RGS6: variants seen among roughly 807,000 people sequenced by gnomAD.
RGS6 encodes the protein regulator of G protein signaling 6.
A neutral mutation model predicts 78.5 loss-of-function variants in RGS6; 30 were observed. That is an observed-to-expected ratio of 0.38 (90% CI 0.29 to 0.52). The LOEUF is 0.52. Ranked by LOEUF, RGS6 falls within the 20% of genes least tolerant of loss-of-function variation. RGS6 has a pLI of 0.85. For missense variants in RGS6, 495 were observed against 609.7 expected (o/e 0.81, Z 1.98); for synonymous variants, 206 against 206.0 (o/e 1.00, Z 0.00).
the RGS6 span, among the ~76,000 whole-genome samples, chr14:71,923,291 G>A: frequency 3.3e-5 from 5 of 152,136 alleles, no homozygotes; most frequent in Admixed American, 1.3e-4. Flanking sequence ...GAATGGGTGT[G>A]GTAGACAACA....
chr14:72,162,160 C>T (rs932874928), intron 2 of RGS6, among the ~76,000 whole-genome samples: 10 of 146,598 alleles, frequency 6.8e-5, no homozygotes, highest in Admixed American at 2.1e-4. Context: ...CATTAACTAG[C>T]GTAAAATACC....
intron 2 of RGS6, among the ~76,000 whole-genome samples, chr14:71,967,157 T>A (rs2093570114): frequency 6.7e-6 from 1 of 150,146 alleles, no homozygotes; most frequent in African/African-American, 2.5e-5. Flanking sequence ...TGAAACTATA[T>A]CTTACTTTCG....
intron 2 of RGS6, among the ~76,000 whole-genome samples, chr14:72,080,113 C>T (rs550994277): frequency 2.0e-5 from 3 of 152,234 alleles, no homozygotes; most frequent in Admixed American, 6.5e-5. Context: ...GACCTTCAGA[C>T]CATTTCCATA....
At chr14:71,926,599 A>G in the RGS6 span, among the ~76,000 whole-genome samples, 554 of 151,754 alleles carry the variant, frequency 3.7e-3, 4 homozygotes, top group African/African-American at 0.013. Flanking sequence ...AAAAAAAAAA[A>G]AAAAAGAGTA....
At chr14:72,568,970 G>T (rs146418941), downstream of RGS6, among the ~76,000 whole-genome samples, 170 of 152,326 alleles carry the variant, frequency 1.1e-3, no homozygotes, top group Middle Eastern at 3.4e-3. Context: ...GGTTAGGAAG[G>T]GGTAGGAGGG....
intron 2 of RGS6, among the ~76,000 whole-genome samples, chr14:72,256,265 G>A (rs889739402): frequency 1.3e-5 from 2 of 152,178 alleles, no homozygotes; most frequent in African/African-American, 4.8e-5. Flanking sequence ...CATGCACTGA[G>A]TCAGTTTCTG....
At chr14:72,127,821 A>T (rs1487033287) in intron 2 of RGS6, among the ~76,000 whole-genome samples, 2 of 152,188 alleles carry the variant, frequency 1.3e-5, no homozygotes, top group Admixed American at 1.3e-4. Flanking sequence ...CTTTATAACT[A>T]CAACCCCTCA....
intron 1 of RGS6, among the ~76,000 whole-genome samples, chr14:71,944,493 G>A (rs1019954270): frequency 3.3e-5 from 5 of 152,182 alleles, no homozygotes; most frequent in African/African-American, 1.2e-4. Flanking sequence ...TTGTATTGGA[G>A]AGATGATAGG....
intron 2 of RGS6, among the ~76,000 whole-genome samples, chr14:72,178,728 A>T (rs2097137305): frequency 6.6e-6 from 1 of 152,198 alleles, no homozygotes; most frequent in Non-Finnish European, 1.5e-5. Context: ...TAGGCTACCT[A>T]AATTGCAGGG....
At chr14:72,331,661 C>T (rs948377473) in intron 2 of RGS6, among the ~76,000 whole-genome samples, 2 of 152,160 alleles carry the variant, frequency 1.3e-5, no homozygotes, top group African/African-American at 2.4e-5. Flanking sequence ...CTCTCTCCCC[C>T]TCTTTTTCTC....
downstream of RGS6, among the ~76,000 whole-genome samples, chr14:72,569,732 A>G (rs1009140715): frequency 2.7e-4 from 41 of 152,140 alleles, no homozygotes; most frequent in African/African-American, 8.4e-4. Flanking sequence ...ATGAACAAGG[A>G]GTTATACACT....
At chr14:72,095,248 C>T (rs1393259510) in intron 2 of RGS6, among the ~76,000 whole-genome samples, 2 of 152,052 alleles carry the variant, frequency 1.3e-5, no homozygotes, top group East Asian at 3.9e-4. Flanking sequence ...CATTTGGCTG[C>T]AGGTAATAGA....
chr14:72,243,727 A>G (rs1337341556), intron 2 of RGS6, among the ~76,000 whole-genome samples: 1 of 149,826 alleles, frequency 6.7e-6, no homozygotes, highest in African/African-American at 2.5e-5. Context: ...ACACTGAAAC[A>G]TTTCCTACAT....
At chr14:72,307,907 T>C (rs893700916) in intron 2 of RGS6, among the ~76,000 whole-genome samples, 3 of 152,186 alleles carry the variant, frequency 2.0e-5, no homozygotes, top group African/African-American at 7.2e-5. Context: ...TTTTAGAGTT[T>C]AGTTTATATA....
At position 72,373,083 on chromosome 14, in the gene RGS6, G is replaced by A. The variant is rs558427756; in HGVS notation, c.184+20889G>A. ...GGAGACAGAAGACAGAGAAAGAGAG[G>A]AAAAGAGGAAGCCGAGCCCACCCTT... On this transcript the variant is annotated intron_variant, in intron 3 of 17. Transcript: ENST00000553525. Among the ~76,000 whole-genome samples the A allele has an allele frequency of 2.6e-5, 4 of 152,178 alleles. No individual in the cohort carries two copies. In the South Asian group the frequency reaches 8.3e-4, roughly 32 times the overall value.
intron 4 of RGS6, among the ~76,000 whole-genome samples, chr14:72,458,015 C>G (rs2095676439): frequency 6.6e-6 from 1 of 152,180 alleles, no homozygotes; most frequent in Admixed American, 6.5e-5. Context: ...GCCAGACTTT[C>G]TTCTGAAGGT....
At chr14:72,224,468 T>A (rs564194215) in intron 2 of RGS6, among the ~76,000 whole-genome samples, 44 of 151,924 alleles carry the variant, frequency 2.9e-4, no homozygotes, top group African/African-American at 8.7e-4. Context: ...GTTTTTTTTT[T>A]TATATACTTT....
chr14:72,174,953 A>C (rs1234525503), intron 2 of RGS6, among the ~76,000 whole-genome samples: 1 of 152,212 alleles, frequency 6.6e-6, no homozygotes, highest in East Asian at 1.9e-4. Flanking sequence ...GAAGGAAAGC[A>C]GTCAGGGTGG....
At chr14:71,935,553 GTTCT>G (rs1352087001) in intron 1 of RGS6, among the ~76,000 whole-genome samples, 12 of 152,228 alleles carry the variant, frequency 7.9e-5, no homozygotes, top group African/African-American at 2.9e-4. Flanking sequence ...AAAAGAGTAG[GTTCT>G]TTCTTTTTCT....
Sources: gnomAD v4.1 joint callset for allele counts (sites outside exome capture counted in the v4.1 genomes callset) on GRCh38, gnomAD v4.1.1 for gene constraint, MANE v1.5 for transcripts, NCBI Gene and HGNC (gene_info 2026-07-23, HGNC 2026-07-21) for gene names.